Variants in SLC9A9 observed in about 807,000 individuals in gnomAD.
SLC9A9 encodes solute carrier family 9 member A9.
Under a neutral mutation model 77.8 loss-of-function variants are expected in SLC9A9, and 62 were observed. That is an observed-to-expected ratio of 0.80 (90% CI 0.65 to 0.98). The LOEUF (loss-of-function observed/expected upper bound fraction) is 0.98, where lower values mean the gene tolerates loss of function less well. Among genes scored for constraint, SLC9A9 ranks in the 50% least tolerant of loss-of-function variants. The pLI, the probability that SLC9A9 is intolerant of heterozygous loss-of-function variation, is 0.00. For synonymous variants in SLC9A9, 320 were observed against 283.5 expected, an observed-to-expected ratio of 1.13 and a Z score of -1.29; for missense variants, 775 against 774.9, an observed-to-expected ratio of 1.00 and a Z score of 0.00.
At chr3:143,637,222 T>C (rs2038538243) in intron 6 of SLC9A9, among the ~76,000 whole-genome samples, 1 of 151,834 alleles carries the variant, frequency 6.6e-6, no homozygotes, top group Non-Finnish European at 1.5e-5. Context: ...TGAAAACCAA[T>C]ACAAAGAAAT....
intron 12 of SLC9A9, among the ~76,000 whole-genome samples, chr3:143,420,162 A>G (rs1452913213): frequency 6.6e-6 from 1 of 152,230 alleles, no homozygotes; most frequent in Middle Eastern, 3.2e-3. Context: ...CATTGGGTCC[A>G]ATCTGTACCC....
chr3:143,743,059 G>A (rs969048579), intron 4 of SLC9A9, among the ~76,000 whole-genome samples: 5 of 152,032 alleles, frequency 3.3e-5, no homozygotes, highest in Middle Eastern at 3.2e-3. Flanking sequence ...GGAAAGTGAC[G>A]AGGTGCTGAA....
intron 6 of SLC9A9, among the ~76,000 whole-genome samples, chr3:143,652,037 C>T (rs921690101): frequency 6.6e-6 from 1 of 152,080 alleles, no homozygotes; most frequent in Non-Finnish European, 1.5e-5. Context: ...AAGTTACCCT[C>T]TAGGTAGTAT....
At chr3:143,539,108 C>T (rs906592910) in intron 9 of SLC9A9, among the ~76,000 whole-genome samples, 1 of 152,136 alleles carries the variant, frequency 6.6e-6, no homozygotes, top group Non-Finnish European at 1.5e-5. Context: ...TAGGTATTCA[C>T]TGTTGAGGCA....
rs113792164 is a variant in SLC9A9 at position 143,811,422 on chromosome 3, C to T, written c.379-14519G>A. ...AGATGACCTTGGTCTATTTACTTAA[C>T]CTCTCTGAGCCTCAGTTTCCTTATT... is the stretch of plus-strand genomic sequence containing the variant. On this transcript the variant is annotated intron_variant, in intron 2 of 15. Transcript: ENST00000316549. Among the ~76,000 whole-genome samples the T allele has an allele frequency of 6.8e-3, 1,036 of 152,298 alleles. 10 individuals carry two copies. Among genetic ancestry groups the T allele is most frequent in the African/African-American group, 0.024 (986 of 41,558 alleles).
At chr3:143,794,053 C>T (rs1339478678) in intron 4 of SLC9A9, among the ~76,000 whole-genome samples, 2 of 152,156 alleles carry the variant, frequency 1.3e-5, no homozygotes, top group Non-Finnish European at 2.9e-5. Flanking sequence ...GTTCTAGGCT[C>T]AACTCAAAAG....
At chr3:143,801,724 T>C (rs1008130837) in intron 2 of SLC9A9, among the ~76,000 whole-genome samples, 5 of 152,176 alleles carry the variant, frequency 3.3e-5, no homozygotes, top group African/African-American at 9.7e-5. Context: ...ACATCTATCA[T>C]TGAGGCTACC....
intron 12 of SLC9A9, among the ~76,000 whole-genome samples, chr3:143,451,362 T>C (rs1576507301): frequency 6.6e-6 from 1 of 152,192 alleles, no homozygotes. Context: ...TTAAAAACTT[T>C]AGTTAAAATC....
chr3:143,573,236 G>A (rs1278399951), intron 8 of SLC9A9, among the ~76,000 whole-genome samples: 1 of 152,096 alleles, frequency 6.6e-6, no homozygotes, highest in African/African-American at 2.4e-5. Flanking sequence ...ACCGAGGGAG[G>A]TATACCTTGC....
intron 12 of SLC9A9, among the ~76,000 whole-genome samples, chr3:143,387,321 A>G (rs929925789): frequency 6.6e-6 from 1 of 152,212 alleles, no homozygotes; most frequent in Middle Eastern, 3.2e-3. Context: ...TACTATAAAG[A>G]ATAGGTGCCC....
chr3:143,371,289 G>T (rs1316733599), intron 13 of SLC9A9, among the ~76,000 whole-genome samples: 2 of 152,140 alleles, frequency 1.3e-5, no homozygotes, highest in African/African-American at 4.8e-5. Flanking sequence ...CAGAAAAAAA[G>T]CATGTTTTAT....
At chr3:143,836,419 T>C (rs1455608050) in intron 1 of SLC9A9, among the ~76,000 whole-genome samples, 1 of 152,134 alleles carries the variant, frequency 6.6e-6, no homozygotes, top group Non-Finnish European at 1.5e-5. Flanking sequence ...ACAAGCTCCC[T>C]GGAGTCAAGA....
chr3:143,695,223 A>G (rs997614577), intron 4 of SLC9A9, among the ~76,000 whole-genome samples: 1 of 152,142 alleles, frequency 6.6e-6, no homozygotes, highest in Non-Finnish European at 1.5e-5. Context: ...TCTGGGATAC[A>G]TGTGCAGAAT....
intron 9 of SLC9A9, among the ~76,000 whole-genome samples, chr3:143,532,071 G>A (rs781551137): frequency 6.6e-6 from 1 of 152,182 alleles, no homozygotes; most frequent in Non-Finnish European, 1.5e-5. Flanking sequence ...TGTGATTTAT[G>A]TTAACATGCA....
At chr3:143,488,504 AAC>A (rs2035688764) in intron 11 of SLC9A9, among the ~76,000 whole-genome samples, 3 of 151,962 alleles carry the variant, frequency 2.0e-5, no homozygotes, top group Non-Finnish European at 4.4e-5. Flanking sequence ...CTCAACAAAA[AAC>A]TAGCAAATTG....
chr3:143,707,094 G>T (rs1934002299), intron 4 of SLC9A9, among the ~76,000 whole-genome samples: 1 of 152,098 alleles, frequency 6.6e-6, no homozygotes, highest in Admixed American at 6.6e-5. Context: ...CAGGACATTT[G>T]ACCATCCCAA....
At chr3:143,744,379 C>A (rs994753037) in intron 4 of SLC9A9, among the ~76,000 whole-genome samples, 2 of 152,138 alleles carry the variant, frequency 1.3e-5, no homozygotes, top group Admixed American at 6.5e-5. Context: ...GAGACTGACT[C>A]TCAAAGAGGC....
rs148836351 is a variant in SLC9A9, at chr3:143,588,355, C to A, written c.756-9632G>T. Among the ~76,000 whole-genome samples, 523 of 152,282 alleles carry A rather than the reference C, an allele frequency of 3.4e-3. 1 individual carries two copies. Among genetic ancestry groups the A allele is most frequent in the Non-Finnish European group, 6.0e-3 (411 of 68,014 alleles). On this transcript the variant is annotated intron_variant, in intron 6 of 15. Coordinates refer to ENST00000316549, the MANE Select transcript of SLC9A9 (RefSeq NM_173653.4). ...AATCCTGACATTGGAAATGTCTGAGCACGCAGCCAGTAAGGAGCAGTACTT... is the reference window on the plus strand; with the variant it reads ...AATCCTGACATTGGAAATGTCTGAGAACGCAGCCAGTAAGGAGCAGTACTT...
intron 5 of SLC9A9, among the ~76,000 whole-genome samples, chr3:143,671,134 T>G (rs2039148245): frequency 6.6e-6 from 1 of 152,222 alleles, no homozygotes; most frequent in African/African-American, 2.4e-5. Context: ...ATGATATATT[T>G]GTACACATTT....
Sources: allele counts gnomAD v4.1 joint callset (sites outside exome capture counted in the v4.1 genomes callset), GRCh38; gene constraint gnomAD v4.1.1; transcripts MANE v1.5; gene names NCBI Gene and HGNC (gene_info 2026-07-23, HGNC 2026-07-21).